The following PIP5K1B variants were observed in gnomAD, a reference collection of about 807,000 sequenced individuals.
PIP5K1B encodes the protein phosphatidylinositol-4-phosphate 5-kinase type 1 beta.
A neutral mutation model predicts 67.0 loss-of-function variants in PIP5K1B; 42 were observed. That is an observed-to-expected ratio of 0.63 (90% CI 0.49 to 0.81). The LOEUF (loss-of-function observed/expected upper bound fraction) is 0.81. Among genes scored for constraint, PIP5K1B ranks in the 30% least tolerant of loss-of-function variants. PIP5K1B has a pLI of 0.00. For missense variants in PIP5K1B, 459 were observed against 646.3 expected (o/e 0.71, Z 3.14); for synonymous variants, 214 against 231.4 (o/e 0.92, Z 0.68).
At position 68,862,213 on chromosome 9, in the gene PIP5K1B, A is replaced by G. The variant is rs562944920; in HGVS notation, c.70-1624A>G. On this transcript the variant is annotated intron_variant, in intron 4 of 15. Coordinates refer to ENST00000265382, the MANE Select transcript of PIP5K1B (RefSeq NM_003558.4). ...TCAAGTTTGGATAACTGAAGATGACACTGCCTTGGGAAATGAAGCCAGTCT... is the reference window on the plus strand; with the variant it reads ...TCAAGTTTGGATAACTGAAGATGACGCTGCCTTGGGAAATGAAGCCAGTCT... 1.3e-3 allele frequency among the ~76,000 whole-genome samples: 202 copies of G among 152,318 alleles called. 1 individual carries two copies. Among genetic ancestry groups the G allele is most frequent in the Admixed American group, 2.4e-3 (36 of 15,302 alleles).
At chr9:68,771,866 A>C (rs914398511) in intron 2 of PIP5K1B, among the ~76,000 whole-genome samples, 2 of 152,196 alleles carry the variant, frequency 1.3e-5, no homozygotes, top group Non-Finnish European at 2.9e-5. Context: ...CCTACTATCA[A>C]ATTGAGCTAC....
chr9:68,780,005 C>A, intron 2 of PIP5K1B: 1 of 955,008 alleles, frequency 1.0e-6, no homozygotes, highest in Non-Finnish European at 1.4e-6. Context: ...GCCGCGAGTA[C>A]GGACATCGCG....
chr9:68,903,042 T>C (rs941947881), intron 8 of PIP5K1B, among the ~76,000 whole-genome samples: 13 of 152,232 alleles, frequency 8.5e-5, no homozygotes, highest in Non-Finnish European at 1.3e-4. Context: ...TTTCTAATAA[T>C]AAGCACTCCT....
At chr9:68,947,730 A>G (rs2132670217) in intron 14 of PIP5K1B, among the ~76,000 whole-genome samples, 1 of 152,388 alleles carries the variant, frequency 6.6e-6, no homozygotes, top group Non-Finnish European at 1.5e-5. Flanking sequence ...TAAAGTAGCC[A>G]TAAATTTTTT....
intron 4 of PIP5K1B, among the ~76,000 whole-genome samples, chr9:68,856,926 A>G (rs1822807627): frequency 6.6e-6 from 1 of 152,224 alleles, no homozygotes; most frequent in Non-Finnish European, 1.5e-5. Context: ...CACACTTGGC[A>G]GGTGTGATTA....
chr9:68,838,632 A>G (rs954797542), intron 4 of PIP5K1B, among the ~76,000 whole-genome samples: 2 of 152,196 alleles, frequency 1.3e-5, no homozygotes, highest in Non-Finnish European at 2.9e-5. Flanking sequence ...AAGGGTTGAA[A>G]AAACTATTGA....
At chr9:68,826,788 A>G (rs1009734518) in intron 4 of PIP5K1B, among the ~76,000 whole-genome samples, 7 of 152,066 alleles carry the variant, frequency 4.6e-5, no homozygotes, top group South Asian at 4.2e-4. Flanking sequence ...GTCTCACTCT[A>G]TCGCCCAGGC....
chr9:68,734,017 T>C (rs1393255984), intron 1 of PIP5K1B, among the ~76,000 whole-genome samples: 2 of 152,240 alleles, frequency 1.3e-5, no homozygotes, highest in African/African-American at 4.8e-5. Flanking sequence ...ATTAAGAGCT[T>C]GAATTTGGGC....
At chr9:68,717,249 TTC>T (rs1246730119) in intron 1 of PIP5K1B, among the ~76,000 whole-genome samples, 7 of 152,334 alleles carry the variant, frequency 4.6e-5, no homozygotes, top group African/African-American at 1.4e-4. Context: ...GAAAAAAAGA[TTC>T]TCTTTTATGA....
intron 2 of PIP5K1B, among the ~76,000 whole-genome samples, chr9:68,747,483 T>G (rs965402460): frequency 1.2e-4 from 19 of 152,020 alleles, no homozygotes; most frequent in Non-Finnish European, 2.8e-4. Flanking sequence ...GGCTTGCATT[T>G]GAAATATGCT....
Position 68,901,017 on chromosome 9 carries a change from A to G in PIP5K1B, c.771+6379A>G, listed in dbSNP as rs569085679. Among the ~76,000 whole-genome samples the G allele has an allele frequency of 2.4e-4, 37 of 152,288 alleles. No individual in the cohort carries two copies. In the South Asian group the frequency reaches 7.2e-3, roughly 30 times the overall value. ...TAATTTTGCTGGTAGTAAACTTTTT[A>G]CATTTTGTTCAGACAGTTTATTTTC... On this transcript the variant is annotated intron_variant, in intron 8 of 15. Transcript: ENST00000265382.
At chr9:68,912,632 A>G (rs1008857473) in intron 8 of PIP5K1B, among the ~76,000 whole-genome samples, 2 of 152,208 alleles carry the variant, frequency 1.3e-5, no homozygotes. Context: ...GAGATAATAC[A>G]GGTGAGAATA....
intron 2 of PIP5K1B, among the ~76,000 whole-genome samples, chr9:68,802,672 A>G (rs1832663247): frequency 6.6e-6 from 1 of 152,210 alleles, no homozygotes; most frequent in Non-Finnish European, 1.5e-5. Context: ...GAGGACAAAG[A>G]GCACTCAGCC....
intron 14 of PIP5K1B, among the ~76,000 whole-genome samples, chr9:68,946,728 C>G (rs898570594): frequency 6.6e-6 from 1 of 152,112 alleles, no homozygotes; most frequent in East Asian, 1.9e-4. Flanking sequence ...CTGACTCCTG[C>G]CTTGCAAACA....
chr9:68,862,284 T>C (rs1021712686), intron 4 of PIP5K1B, among the ~76,000 whole-genome samples: 6 of 152,186 alleles, frequency 3.9e-5, no homozygotes, highest in African/African-American at 1.4e-4. Context: ...TGGCTCTGTA[T>C]ACACTGCATT....
At chr9:68,934,021 A>T (rs954925753) in intron 12 of PIP5K1B, among the ~76,000 whole-genome samples, 1 of 152,192 alleles carries the variant, frequency 6.6e-6, no homozygotes, top group Non-Finnish European at 1.5e-5. Flanking sequence ...TGCCAAAAAC[A>T]TATTCAGGGG....
intron 4 of PIP5K1B, among the ~76,000 whole-genome samples, chr9:68,831,681 A>T (rs1834328433): frequency 6.6e-6 from 1 of 152,046 alleles, no homozygotes; most frequent in African/African-American, 2.4e-5. Context: ...AATAGAATTT[A>T]ACTTTTTTTT....
At chr9:68,804,367 T>C (rs1023962089) in intron 2 of PIP5K1B, among the ~76,000 whole-genome samples, 9 of 152,074 alleles carry the variant, frequency 5.9e-5, no homozygotes, top group Non-Finnish European at 1.3e-4. Context: ...TGGGCGTTCA[T>C]AGTTTACAGG....
intron 7 of PIP5K1B, among the ~76,000 whole-genome samples, chr9:68,892,672 T>C (rs1824857305): frequency 6.6e-6 from 1 of 152,108 alleles, no homozygotes; most frequent in African/African-American, 2.4e-5. Flanking sequence ...AAAATAAAAG[T>C]TTATGACTTT....
Sources: allele counts gnomAD v4.1 joint callset (sites outside exome capture counted in the v4.1 genomes callset), GRCh38; gene constraint gnomAD v4.1.1; transcripts MANE v1.5; gene names NCBI Gene and HGNC (gene_info 2026-07-23, HGNC 2026-07-21).